The following DNAH8 variants were observed in gnomAD, a reference collection of about 807,000 sequenced individuals.
The protein encoded by DNAH8 is axonemal beta dynein heavy chain 8.
In DNAH8, 382 loss-of-function variants were observed where a neutral mutation model predicts 562.1. That is an observed-to-expected ratio of 0.68 (90% CI 0.63 to 0.74). The LOEUF (loss-of-function observed/expected upper bound fraction) is 0.74, where lower values mean the gene tolerates loss of function less well. DNAH8 is among the 30% of genes least tolerant of loss of function. The pLI is 0.00. For missense variants in DNAH8, 5,203 were observed against 5,620.4 expected (o/e 0.93, Z 2.37); for synonymous variants, 1,881 against 1,919.4 (o/e 0.98, Z 0.52).
intron 3 of DNAH8, among the ~76,000 whole-genome samples, chr6:38,724,271 G>C (rs745322629): frequency 6.6e-6 from 1 of 152,178 alleles, no homozygotes; most frequent in East Asian, 1.9e-4. Flanking sequence ...GTGAGCCACC[G>C]CACCTGGCCC....
In DNAH8 at chr6:38,908,045, T is replaced by C. The variant is rs200974923; in HGVS notation, c.9438T>C (p.Pro3146=). Residue 3146 remains proline (P), a synonymous_variant, in exon 64 of 93, where the codon CCT becomes CCC. Transcript: ENST00000327475. ...AGAGGGAGCTACCTCGCCATCCTCC[T>C]ACCTTTGATAATTTGTATGAATACT... ...VMKRELPRHP[P]TFDNLYEYFI... The C allele has an allele frequency of 1.2e-6, 2 of 1,612,286 alleles. No individual in the cohort carries two copies. The highest frequency in any genetic ancestry group is 1.7e-6 in the Non-Finnish European group (2 of 1,179,048).
chr6:38,926,763 C>CT (rs144870967), intron 74 of DNAH8, among the ~76,000 whole-genome samples: 1,956 of 152,170 alleles, frequency 0.013, 37 homozygotes, highest in Middle Eastern at 0.037. Context: ...TCTAAACCCC[C>CT]GTCCCCATGT....
In DNAH8 at chr6:38,916,255, G is replaced by C. The variant is rs192880827; in HGVS notation, c.10140+878G>C. ...TATAGGATTCTGGAAGAATGGTCAG[G>C]ATCTGTTACCTTTAAACGTGCCTCC... On this transcript the variant is annotated intron_variant, in intron 68 of 92. Transcript: ENST00000327475. Among the ~76,000 whole-genome samples the C allele has an allele frequency of 3.3e-5, 5 of 152,260 alleles. No individual in the cohort carries two copies. The East Asian group carries it at 9.7e-4, about 29-fold the overall frequency.
Position 38,904,707 on chromosome 6 carries a change from G to A in DNAH8, c.9195-1547G>A, listed in dbSNP as rs145482888. On this transcript the variant is annotated intron_variant, in intron 62 of 92. Coordinates refer to ENST00000327475, the MANE Select transcript of DNAH8 (RefSeq NM_001206927.2). ...CTCAAGAGGCTGAGGCAGGAGAATC[G>A]CTTGTACCCTGATGGTGGAGGTTGC... is the stretch of plus-strand genomic sequence containing the variant. Among the ~76,000 whole-genome samples, 39 of 147,332 alleles carry A rather than the reference G, an allele frequency of 2.6e-4. No individual in the cohort carries two copies. In the East Asian group the frequency reaches 7.0e-3, roughly 27 times the overall value.
At chr6:38,995,428 A>T (rs1362798313) in intron 88 of DNAH8, among the ~76,000 whole-genome samples, 1 of 152,200 alleles carries the variant, frequency 6.6e-6, no homozygotes, top group Non-Finnish European at 1.5e-5. Context: ...CTTTGTAAAA[A>T]TGTGGAAGTT....
intron 66 of DNAH8, among the ~76,000 whole-genome samples, chr6:38,913,605 T>C (rs1781071849): frequency 6.6e-6 from 1 of 152,194 alleles, no homozygotes; most frequent in Non-Finnish European, 1.5e-5. Flanking sequence ...ATTGTGACTT[T>C]CCCTTAAATG....
intron 71 of DNAH8, 91 bp from the exon 72 acceptor site, chr6:38,922,967 T>C (rs1441002018): frequency 3.8e-6 from 5 of 1,332,212 alleles, no homozygotes; most frequent in Non-Finnish European, 5.1e-6. Context: ...AGTAAGAAAT[T>C]CCCCCATGTA....
intron 3 of DNAH8, among the ~76,000 whole-genome samples, chr6:38,728,503 C>G (rs1369833456): frequency 7.8e-6 from 1 of 128,870 alleles, no homozygotes; most frequent in Non-Finnish European, 1.8e-5. Flanking sequence ...TCTTTTTATC[C>G]TAGTCATGTG....
At chr6:38,869,862 G>A (rs781244993) in intron 48 of DNAH8, among the ~76,000 whole-genome samples, 1 of 152,166 alleles carries the variant, frequency 6.6e-6, no homozygotes, top group Non-Finnish European at 1.5e-5. Context: ...GAATGCTAAC[G>A]AACTTTGGGT....
At chr6:38,933,641 T>C (rs1782727999) in intron 76 of DNAH8, among the ~76,000 whole-genome samples, 1 of 152,228 alleles carries the variant, frequency 6.6e-6, no homozygotes, top group African/African-American at 2.4e-5. Flanking sequence ...GTGACCATTT[T>C]AATGAAAATG....
chr6:38,873,495 G>T, intron 52 of DNAH8, 119 bp downstream of exon 52: 1 of 822,696 alleles, frequency 1.2e-6, no homozygotes. Context: ...TTGATGATGT[G>T]GCTGTAAAAG....
Position 38,898,379 on chromosome 6 carries a change from A to G in DNAH8, c.9062A>G (p.Lys3021Arg). 1 of 1,566,464 alleles carries G rather than the reference A, an allele frequency of 6.4e-7. No individual in the cohort carries two copies. The highest frequency in any genetic ancestry group is 8.6e-7 in the Non-Finnish European group (1 of 1,164,294). The change falls in exon 61 of 93, where the codon AAG (lysine) becomes AGG (arginine). Residue 3021 changes from lysine to arginine, a missense_variant and splice_region_variant. Coordinates refer to ENST00000327475, the MANE Select transcript of DNAH8 (RefSeq NM_001206927.2). ...AAAGATGCAATGACTCATCTTATTA[A>G]GGTCCTAACTATTGCCTATTTACTG... is the stretch of plus-strand genomic sequence containing the variant. ...FFKDAMTHLI[K>R]ISRIIRTSCG...
rs184775504 is a variant in DNAH8, at chr6:38,992,445, A to G, written c.13214+2273A>G. 1.3e-3 allele frequency among the ~76,000 whole-genome samples: 203 copies of G among 152,344 alleles called. 1 individual carries two copies. The highest frequency in any genetic ancestry group is 5.9e-4 in the Non-Finnish European group (40 of 68,024). ...GATCAGTGCTGCTAAATTCTTCTAG[A>G]GTGTGAAGGATGTGATCAATGAGGA... On this transcript the variant is annotated intron_variant, in intron 88 of 92. Transcript: ENST00000327475.
rs139748014 is a variant in DNAH8 at position 38,781,295 on chromosome 6, C to T, written c.2181C>T (p.Asn727=). ...AAGATGACCCCCCTCTTGCTCGCAACATGCCCCCTATAGCAGGAAAAATAC... is the reference window on the plus strand; with the variant it reads ...AAGATGACCCCCCTCTTGCTCGCAATATGCCCCCTATAGCAGGAAAAATAC... ...SQKDDPPLAR[N]MPPIAGKILW... The change falls in exon 16 of 93, where the codon AAC becomes AAT. Residue 727 remains asparagine (N), a synonymous_variant. Transcript: ENST00000327475. 9.3e-6 allele frequency: 15 copies of T among 1,613,918 alleles called. No individual in the cohort carries two copies. In the African/African-American group the frequency reaches 1.9e-4, roughly 20 times the overall value.
chr6:38,883,202 T>G, intron 54 of DNAH8, 120 bp from the exon 55 acceptor site: 2 of 1,346,320 alleles, frequency 1.5e-6, no homozygotes, highest in Non-Finnish European at 2.0e-6. Flanking sequence ...TAGATGCAAT[T>G]CTAAAAAGTT....
At chr6:38,943,931 A>G (rs1231811214) in intron 79 of DNAH8, among the ~76,000 whole-genome samples, 4 of 152,120 alleles carry the variant, frequency 2.6e-5, no homozygotes, top group Non-Finnish European at 5.9e-5. Context: ...AGAGGGATTC[A>G]TGTTTTTTTG....
At chr6:38,880,089 A>G (rs758666956) in intron 53 of DNAH8, among the ~76,000 whole-genome samples, 2 of 152,022 alleles carry the variant, frequency 1.3e-5, no homozygotes, top group Non-Finnish European at 2.9e-5. Context: ...CTAAAAAAAA[A>G]CAAAAAAATT....
intron 87 of DNAH8, among the ~76,000 whole-genome samples, chr6:38,988,783 A>T (rs932172768): frequency 1.3e-5 from 2 of 152,122 alleles, no homozygotes; most frequent in Admixed American, 1.3e-4. Flanking sequence ...CTCTCCTTCA[A>T]GGCTTAGCTC....
intron 8 of DNAH8, among the ~76,000 whole-genome samples, chr6:38,743,674 A>G (rs950682535): frequency 6.6e-6 from 1 of 152,120 alleles, no homozygotes; most frequent in Non-Finnish European, 1.5e-5. Context: ...AATGTTTTCA[A>G]GTTTCGTCCA....
Sources: gnomAD v4.1 joint callset for allele counts (sites outside exome capture counted in the v4.1 genomes callset) on GRCh38, gnomAD v4.1.1 for gene constraint, MANE v1.5 for transcripts, NCBI Gene and HGNC (gene_info 2026-07-23, HGNC 2026-07-21) for gene names.